The following FGF14 variants were observed in gnomAD, a reference collection of about 807,000 sequenced individuals.
FGF14 encodes fibroblast growth factor 14.
A neutral mutation model predicts 25.5 loss-of-function variants in FGF14; 5 were observed. That is an observed-to-expected ratio of 0.20 (90% CI 0.10 to 0.41). The LOEUF (loss-of-function observed/expected upper bound fraction) is 0.41, where lower values mean the gene tolerates loss of function less well. Ranked by LOEUF, FGF14 falls within the 10% of genes least tolerant of loss-of-function variation. FGF14 has a pLI of 1.00. For synonymous variants in FGF14, 138 were observed against 118.3 expected, an observed-to-expected ratio of 1.17 and a Z score of -1.08; for missense variants, 222 against 320.1, an observed-to-expected ratio of 0.69 and a Z score of 2.34.
intron 1 of FGF14, among the ~76,000 whole-genome samples, chr13:102,041,807 C>A (rs1456027295): frequency 1.3e-5 from 2 of 152,250 alleles, no homozygotes; most frequent in East Asian, 3.9e-4. Context: ...GGAGAGAGAA[C>A]TACCTATCTA....
At chr13:101,766,798 G>A (rs929287794) in intron 3 of FGF14, among the ~76,000 whole-genome samples, 10 of 152,102 alleles carry the variant, frequency 6.6e-5, no homozygotes, top group African/African-American at 2.4e-4. Flanking sequence ...CACACACACA[G>A]GGGACACCAT....
chr13:102,390,546 T>C (rs1386524110), intron 1 of FGF14, among the ~76,000 whole-genome samples: 2 of 152,214 alleles, frequency 1.3e-5, no homozygotes, highest in Admixed American at 6.5e-5. Flanking sequence ...GTCAGATTAC[T>C]TGGTTTTGGT....
intron 1 of FGF14, among the ~76,000 whole-genome samples, chr13:102,223,958 T>C (rs536347730): frequency 2.6e-5 from 4 of 152,248 alleles, no homozygotes; most frequent in South Asian, 4.1e-4. Flanking sequence ...TAATAAGAAC[T>C]TGAATTGAGT....
At chr13:102,008,776 A>G (rs534582976) in intron 1 of FGF14, among the ~76,000 whole-genome samples, 27 of 152,316 alleles carry the variant, frequency 1.8e-4, no homozygotes, top group South Asian at 8.3e-4. Flanking sequence ...AATATAAATC[A>G]AACACATTTT....
chr13:101,796,779 GA>G (rs1178417523), intron 3 of FGF14, among the ~76,000 whole-genome samples: 3 of 151,912 alleles, frequency 2.0e-5, no homozygotes, highest in Admixed American at 2.0e-4. Context: ...CCAAAACTGT[GA>G]AAAAAATACA....
At chr13:101,737,197 A>T (rs55967572) in intron 3 of FGF14, among the ~76,000 whole-genome samples, 7,656 of 151,426 alleles carry the variant, frequency 0.051, 208 homozygotes, top group Middle Eastern at 0.065. Context: ...TAATTAAGAG[A>T]CCCCAAGAAT....
chr13:101,733,493 G>A (rs941534962), intron 3 of FGF14, among the ~76,000 whole-genome samples: 1 of 151,740 alleles, frequency 6.6e-6, no homozygotes, highest in Non-Finnish European at 1.5e-5. Context: ...TACTCGGGAG[G>A]CTGAGGCAGG....
chr13:101,980,601 A>G (rs1393475174), intron 1 of FGF14, among the ~76,000 whole-genome samples: 1 of 152,148 alleles, frequency 6.6e-6, no homozygotes, highest in Non-Finnish European at 1.5e-5. Flanking sequence ...CTGCTTGAAA[A>G]CATCTCTTAT....
At chr13:102,105,140 C>T (rs1340026571) in intron 1 of FGF14, among the ~76,000 whole-genome samples, 2 of 152,136 alleles carry the variant, frequency 1.3e-5, no homozygotes, top group African/African-American at 4.8e-5. Context: ...AAAAATGAGG[C>T]TAGTTGGCTC....
At chr13:102,215,642 A>C (rs774945198) in intron 1 of FGF14, among the ~76,000 whole-genome samples, 2 of 152,134 alleles carry the variant, frequency 1.3e-5, no homozygotes, top group Non-Finnish European at 2.9e-5. Flanking sequence ...CCTTCCCCAC[A>C]GCCCACAACC....
intron 1 of FGF14, among the ~76,000 whole-genome samples, chr13:102,294,510 T>C (rs1055795747): frequency 6.6e-6 from 1 of 152,178 alleles, no homozygotes; most frequent in Non-Finnish European, 1.5e-5. Flanking sequence ...ATTTATTTCA[T>C]GTTATCTCTA....
chr13:101,794,672 A>G (rs961064164), intron 3 of FGF14, among the ~76,000 whole-genome samples: 2 of 152,064 alleles, frequency 1.3e-5, no homozygotes, highest in African/African-American at 4.8e-5. Context: ...TGTCCCTGAA[A>G]CCCATGCTAT....
chr13:102,047,502 A>C (rs2042037366), intron 1 of FGF14, among the ~76,000 whole-genome samples: 1 of 152,218 alleles, frequency 6.6e-6, no homozygotes, highest in Non-Finnish European at 1.5e-5. Flanking sequence ...TGCAGCCATA[A>C]AAAATGATGA....
rs74108936 is a variant in FGF14, at chr13:101,927,970, T to C, written c.209-52674A>G. On this transcript the variant is annotated intron_variant, in intron 1 of 4. Coordinates refer to the FGF14 transcript ENST00000376131. ...TCCCAACGGTAAGACACATATGCCCTCCGTCCCGTTTCCCTCTTTCATCCC... is the reference window on the plus strand; with the variant it reads ...TCCCAACGGTAAGACACATATGCCCCCCGTCCCGTTTCCCTCTTTCATCCC... 3.0e-3 allele frequency among the ~76,000 whole-genome samples: 461 copies of C among 152,322 alleles called. 2 individuals carry two copies. Among genetic ancestry groups the C allele is most frequent in the African/African-American group, 0.011 (444 of 41,572 alleles).
chr13:101,982,447 C>T (rs958939356), intron 1 of FGF14, among the ~76,000 whole-genome samples: 3 of 152,150 alleles, frequency 2.0e-5, no homozygotes, highest in African/African-American at 7.2e-5. Flanking sequence ...GAATTTCCAG[C>T]AAAGCTTTGA....
intron 1 of FGF14, among the ~76,000 whole-genome samples, chr13:102,055,485 A>G (rs902152747): frequency 1.1e-4 from 17 of 152,218 alleles, no homozygotes; most frequent in African/African-American, 3.9e-4. Flanking sequence ...CCTGTTGAAC[A>G]CCATTCAAAG....
At chr13:102,219,743 T>C (rs1218211260) in intron 1 of FGF14, among the ~76,000 whole-genome samples, 2 of 152,254 alleles carry the variant, frequency 1.3e-5, no homozygotes, top group South Asian at 2.1e-4. Context: ...GTGAAGCCAA[T>C]AATGACAATT....
At chr13:101,870,083 T>C (rs1279172662) in intron 2 of FGF14, among the ~76,000 whole-genome samples, 2 of 152,194 alleles carry the variant, frequency 1.3e-5, no homozygotes, top group African/African-American at 4.8e-5. Context: ...TAGTTGGATA[T>C]TAGTTTCACT....
At chr13:102,146,894 G>A (rs2046877160) in intron 1 of FGF14, among the ~76,000 whole-genome samples, 1 of 151,130 alleles carries the variant, frequency 6.6e-6, no homozygotes, top group African/African-American at 2.4e-5. Flanking sequence ...GGCCCATGAG[G>A]GAAAAGAATA....
Sources: allele counts gnomAD v4.1 joint callset (sites outside exome capture counted in the v4.1 genomes callset), GRCh38; gene constraint gnomAD v4.1.1; transcripts MANE v1.5; gene names NCBI Gene and HGNC (gene_info 2026-07-23, HGNC 2026-07-21).